Variants in CNOT1 observed in about 807,000 individuals in gnomAD.
CNOT1 encodes CCR4-associated factor 1.
In CNOT1, 15 loss-of-function variants were observed where a neutral mutation model predicts 273.8. That is an observed-to-expected ratio of 0.05 (90% confidence interval 0.04 to 0.08). The LOEUF is 0.08. Ranked by LOEUF, CNOT1 falls within the 10% of genes least tolerant of loss-of-function variation. The probability of loss-of-function intolerance (pLI) is 1.00; values close to 1 mark genes in which losing one functional copy is unlikely to be tolerated. For synonymous variants in CNOT1, 1,022 were observed against 1,005.5 expected, an observed-to-expected ratio of 1.02 and a Z score of -0.31; for missense variants, 1,644 against 2,912.2, an observed-to-expected ratio of 0.56 and a Z score of 10.02.
At chr16:58,614,282 T>C (rs2043004216) in intron 1 of CNOT1, among the ~76,000 whole-genome samples, 1 of 123,776 alleles carries the variant, frequency 8.1e-6, no homozygotes, top group African/African-American at 2.7e-5. Context: ...AGTTGGCCCT[T>C]GGCTGGTCTC....
At chr16:58,545,613 A>ACCAGC in intron 29 of CNOT1, 122 bp from the exon 30 acceptor site, 46 of 1,466,154 alleles carry the variant, frequency 3.1e-5, no homozygotes, top group Non-Finnish European at 3.9e-5. Flanking sequence ...AGAGGAGGGA[A>ACCAGC]GGATGTAGCA....
chr16:58,542,715 TG>T, intron 31 of CNOT1, 147 bp from the exon 32 acceptor site: 1 of 1,263,942 alleles, frequency 7.9e-7, no homozygotes. Context: ...GCTGTGATCT[TG>T]AAACAGTCTT....
chr16:58,597,192 G>A (rs1196404410), intron 2 of CNOT1, among the ~76,000 whole-genome samples: 4 of 151,860 alleles, frequency 2.6e-5, no homozygotes. Flanking sequence ...GCTCATGCCT[G>A]TAATCACAGC....
At chr16:58,560,071 T>A in intron 17 of CNOT1, 141 bp downstream of exon 17, 1 of 1,515,088 alleles carries the variant, frequency 6.6e-7, no homozygotes, top group Non-Finnish European at 8.8e-7. Flanking sequence ...CCTATTTACA[T>A]ATCTCCTTTA....
intron 43 of CNOT1, among the ~76,000 whole-genome samples, chr16:58,529,104 T>A (rs1019736627): frequency 9.9e-5 from 15 of 152,146 alleles, no homozygotes; most frequent in South Asian, 2.1e-4. Context: ...ACAAAAATTA[T>A]TAATGTCAGG....
intron 44 of CNOT1, chr16:58,527,976 G>C (rs2039653727): frequency 3.0e-6 from 1 of 333,772 alleles, no homozygotes; most frequent in African/African-American, 2.2e-5. Context: ...AGCCAGGTGT[G>C]GTGGCGAGTG....
Position 58,520,806 on chromosome 16 carries a change from C to G in CNOT1, c.*152G>C. ...AACTTTGGAACGTGCCCACATAAGA[C>G]AGGAGGCTGATCCCAACAGTAGTTG... On this transcript the variant is annotated 3_prime_UTR_variant, in exon 49 of 49. Transcript: ENST00000317147. 2 of 750,294 alleles carry G rather than the reference C, an allele frequency of 2.7e-6. No homozygotes were observed. Among genetic ancestry groups the G allele is most frequent in the Admixed American group, 2.6e-5 (1 of 37,860 alleles). 46.5% of individuals were successfully genotyped at this position (750,294 alleles called of 1,614,324 possible).
chr16:58,535,299 A>T (rs2039890971), intron 39 of CNOT1, among the ~76,000 whole-genome samples: 1 of 152,248 alleles, frequency 6.6e-6, no homozygotes, highest in African/African-American at 2.4e-5. Context: ...CCCTGCTGGG[A>T]CAGAATGCCA....
At chr16:58,619,514 G>A (rs1276176286) in intron 1 of CNOT1, among the ~76,000 whole-genome samples, 4 of 151,216 alleles carry the variant, frequency 2.6e-5, no homozygotes, top group East Asian at 1.9e-4. Flanking sequence ...TGCAACCTCC[G>A]CCTCCCAGGT....
chr16:58,611,236 C>T (rs2042887355), intron 1 of CNOT1, among the ~76,000 whole-genome samples: 1 of 150,954 alleles, frequency 6.6e-6, no homozygotes, highest in Non-Finnish European at 1.5e-5. Context: ...CAAGACCAGC[C>T]TGGGCAATAC....
At chr16:58,595,985 T>C (rs2042236575) in intron 2 of CNOT1, among the ~76,000 whole-genome samples, 1 of 152,222 alleles carries the variant, frequency 6.6e-6, no homozygotes, top group African/African-American at 2.4e-5. Flanking sequence ...AAGGCAGTCT[T>C]GTGCTTTTCT....
At chr16:58,553,967 A>C in intron 21 of CNOT1, 107 bp from the exon 22 acceptor site, 1 of 1,355,384 alleles carries the variant, frequency 7.4e-7, no homozygotes, top group Non-Finnish European at 9.5e-7. Flanking sequence ...CATCTTACCT[A>C]TGAATAACTT....
At chr16:58,580,584 A>C (rs778717506) in intron 12 of CNOT1, 49 bp downstream of exon 12, 1 of 1,580,036 alleles carries the variant, frequency 6.3e-7, no homozygotes. Context: ...TTTATATTTC[A>C]CAAAATAAGA....
intron 1 of CNOT1, among the ~76,000 whole-genome samples, chr16:58,619,640 G>T (rs1049702028): frequency 6.6e-6 from 1 of 152,088 alleles, no homozygotes; most frequent in Admixed American, 6.6e-5. Context: ...TGACCAGGCT[G>T]GTCTTGAACT....
Position 58,574,538 on chromosome 16 carries a change from T to C in CNOT1, c.1979+71A>G, listed in dbSNP as rs1207248829. The C allele has an allele frequency of 2.1e-6, 3 of 1,439,218 alleles. No homozygotes were observed. In the Admixed American group the frequency reaches 7.4e-5, roughly 35 times the overall value. The allele number at this position is 1,439,218 out of a possible 1,614,324, so 89.2% of individuals were successfully genotyped here. ...CTGCTGTCACTTTCACTGAACCTCT[T>C]CTTCCGCAAGTCTACAATTATTCAT... On this transcript the variant is annotated intron_variant, in intron 16 of 48. Coordinates refer to ENST00000317147, the MANE Select transcript of CNOT1 (RefSeq NM_016284.5).
intron 10 of CNOT1, among the ~76,000 whole-genome samples, 198 bp from the exon 11 acceptor site, chr16:58,581,713 G>A (rs2041664047): frequency 6.6e-6 from 1 of 151,730 alleles, no homozygotes; most frequent in Admixed American, 6.6e-5. Flanking sequence ...TCAGGCTGCA[G>A]TGCAGTGGCA....
At chr16:58,599,831 C>T (rs1359334787) in intron 1 of CNOT1, among the ~76,000 whole-genome samples, 2 of 152,022 alleles carry the variant, frequency 1.3e-5, no homozygotes, top group Non-Finnish European at 2.9e-5. Flanking sequence ...TTTGCGAGGC[C>T]GAGGCAGGCA....
intron 1 of CNOT1, among the ~76,000 whole-genome samples, chr16:58,611,172 T>G (rs2042884010): frequency 6.6e-6 from 1 of 152,040 alleles, no homozygotes; most frequent in African/African-American, 2.4e-5. Context: ...CTCATGCCTG[T>G]AATCCTACCA....
intron 16 of CNOT1, among the ~76,000 whole-genome samples, chr16:58,566,873 ACCCACCCTCGGCCT>A: frequency 6.6e-6 from 1 of 152,152 alleles, no homozygotes; most frequent in East Asian, 1.9e-4. Flanking sequence ...ACCTCAGGTG[ACCCACCCTCGGCCT>A]CCCAAAGTGC....
Sources: allele counts gnomAD v4.1 joint callset (sites outside exome capture counted in the v4.1 genomes callset), GRCh38; gene constraint gnomAD v4.1.1; transcripts MANE v1.5; gene names NCBI Gene and HGNC (gene_info 2026-07-23, HGNC 2026-07-21).